The following PDCD2L variants were observed in gnomAD, a reference collection of about 807,000 sequenced individuals.
PDCD2L encodes programmed cell death 2 like, also known as uS5 assembly chaperone PDCD2L.
In PDCD2L, 44 loss-of-function variants were observed where a neutral mutation model predicts 40.4. The ratio of observed to expected loss-of-function variants is 1.09; its 90% CI spans 0.86 to 1.40. The LOEUF is 1.40. Ranked by LOEUF, PDCD2L falls within the 40% of genes most tolerant of loss-of-function variation. The pLI is 0.00. For synonymous variants in PDCD2L, 194 were observed against 174.6 expected (o/e 1.11, Z -0.88); for missense variants, 470 against 453.7 (o/e 1.04, Z -0.33).
At chr19:34,422,577 A>G (rs1418975282) in intron 6 of PDCD2L, among the ~76,000 whole-genome samples, 2 of 152,318 alleles carry the variant, frequency 1.3e-5, no homozygotes, top group East Asian at 1.9e-4. Flanking sequence ...AGATGAATGT[A>G]TGGATGGCTA....
At chr19:34,421,430 A>C (rs932068716) in intron 5 of PDCD2L, 89 bp from the exon 6 acceptor site, 1 of 1,477,408 alleles carries the variant, frequency 6.8e-7, no homozygotes, top group South Asian at 1.3e-5. Flanking sequence ...TTTCTGCAAG[A>C]AACAAAGAAA....
intron 6 of PDCD2L, chr19:34,422,016 G>T (rs1385161339): frequency 1.2e-5 from 2 of 160,610 alleles, no homozygotes; most frequent in Non-Finnish European, 2.7e-5. Context: ...GAACCCAGGA[G>T]GTAGAGGTTG....
At chr19:34,418,325 G>A (rs898303008) in intron 5 of PDCD2L, among the ~76,000 whole-genome samples, 8 of 151,956 alleles carry the variant, frequency 5.3e-5, no homozygotes, top group African/African-American at 1.7e-4. Context: ...CCAGGCAACC[G>A]CCAATCATCT....
intron 6 of PDCD2L, among the ~76,000 whole-genome samples, chr19:34,425,351 A>G (rs1234200738): frequency 6.9e-6 from 1 of 144,664 alleles, no homozygotes; most frequent in Non-Finnish European, 1.5e-5. Context: ...CCCGGGCCAG[A>G]GTACGGTGGT....
At chr19:34,423,224 C>T (rs1247988983) in intron 6 of PDCD2L, among the ~76,000 whole-genome samples, 1 of 151,988 alleles carries the variant, frequency 6.6e-6, no homozygotes, top group Non-Finnish European at 1.5e-5. Context: ...GGAGTTTCAC[C>T]CAGGTTGGAG....
rs577807660 is a variant in PDCD2L at position 34,412,521 on chromosome 19, C to T, written c.687-1216C>T. 4.3e-4 allele frequency among the ~76,000 whole-genome samples: 65 copies of T among 151,934 alleles called. No homozygotes were observed. In the Middle Eastern group the frequency reaches 0.01, roughly 24 times the overall value. ...TCACTTGAGGTCAGGAGTTGGAGACCAGCCTGGCCGACGTGGTGAAACCTT... is the reference window on the plus strand; with the variant it reads ...TCACTTGAGGTCAGGAGTTGGAGACTAGCCTGGCCGACGTGGTGAAACCTT... On this transcript the variant is annotated intron_variant, in intron 4 of 6. Transcript: ENST00000246535.
At chr19:34,407,193 G>A (rs2075080721) in intron 3 of PDCD2L, among the ~76,000 whole-genome samples, 1 of 149,722 alleles carries the variant, frequency 6.7e-6, no homozygotes, top group Non-Finnish European at 1.5e-5. Flanking sequence ...CCAGGCCGGA[G>A]TGCAGTAGCA....
chr19:34,408,893 C>T (rs180671279), intron 3 of PDCD2L, among the ~76,000 whole-genome samples: 50 of 152,268 alleles, frequency 3.3e-4, no homozygotes, highest in Admixed American at 1.2e-3. Context: ...ACATGAAGCA[C>T]AACAGAAAGA....
intron 6 of PDCD2L, among the ~76,000 whole-genome samples, 158 bp downstream of exon 6, chr19:34,421,825 C>T (rs2075152800): frequency 6.6e-6 from 1 of 151,918 alleles, no homozygotes; most frequent in Non-Finnish European, 1.5e-5. Flanking sequence ...TGTGGTGGCT[C>T]ATGCCTGTAA....
intron 5 of PDCD2L, among the ~76,000 whole-genome samples, chr19:34,417,063 G>A (rs2075129499): frequency 6.6e-6 from 1 of 152,046 alleles, no homozygotes; most frequent in Admixed American, 6.6e-5. Context: ...GCAATCAGCC[G>A]AGATCGTGCC....
At chr19:34,405,897 AAAAACAAAAC>A (rs559359171) in intron 3 of PDCD2L, among the ~76,000 whole-genome samples, 1 of 152,134 alleles carries the variant, frequency 6.6e-6, no homozygotes, top group African/African-American at 2.4e-5. Flanking sequence ...CAGACTCCGT[AAAAACAAAAC>A]AAAACAAAAC....
intron 5 of PDCD2L, among the ~76,000 whole-genome samples, 157 bp downstream of exon 5, chr19:34,414,004 T>C (rs1255991378): frequency 1.3e-5 from 2 of 152,118 alleles, no homozygotes; most frequent in Non-Finnish European, 2.9e-5. Flanking sequence ...TAATACCTAC[T>C]TTATAGGATG....
chr19:34,408,600 C>G (rs897237982), intron 3 of PDCD2L, among the ~76,000 whole-genome samples: 3 of 152,146 alleles, frequency 2.0e-5, no homozygotes, highest in South Asian at 4.1e-4. Context: ...CAGAACTGGC[C>G]GTGAAGGAGC....
Position 34,421,575 on chromosome 19 carries a change from A to T in PDCD2L, c.854A>T (p.Glu285Val). The change falls in exon 6 of 7, where the codon GAG (glutamate) becomes GTG (valine). Residue 285 changes from glutamate (E) to valine (V), a missense_variant. Glu to Val is a moderately radical substitution (Grantham distance 121, BLOSUM62 -2). Transcript: ENST00000246535. The part of the protein sequence containing the change: ...FLTCPTSEVT[E>V]LPACSQCGGQ... ...ACCTGCCCTACATCAGAAGTCACCGAGCTCCCAGCCTGCAGCCAGTGTGGA... is the reference window on the plus strand; with the variant it reads ...ACCTGCCCTACATCAGAAGTCACCGTGCTCCCAGCCTGCAGCCAGTGTGGA... 3.7e-6 allele frequency: 6 copies of T among 1,614,090 alleles called. No individual in the cohort carries two copies. Among genetic ancestry groups the T allele is most frequent in the Non-Finnish European group, 5.1e-6 (6 of 1,180,014 alleles).
At chr19:34,422,964 C>T (rs2075159414) in intron 6 of PDCD2L, among the ~76,000 whole-genome samples, 1 of 151,138 alleles carries the variant, frequency 6.6e-6, no homozygotes, top group South Asian at 2.1e-4. Flanking sequence ...GTGATCCGCC[C>T]ACCTCAGCCT....
intron 4 of PDCD2L, among the ~76,000 whole-genome samples, chr19:34,411,983 T>TATAA (rs991877760): frequency 1.4e-5 from 2 of 145,304 alleles, no homozygotes; most frequent in Non-Finnish European, 3.0e-5. Context: ...TATATATATA[T>TATAA]AAAATAAATA....
intron 6 of PDCD2L, among the ~76,000 whole-genome samples, chr19:34,423,444 A>G (rs1200956285): frequency 1.3e-5 from 2 of 151,598 alleles, no homozygotes. Context: ...TCGGCATCCC[A>G]AAGTGCTTGG....
In PDCD2L at chr19:34,409,363, C is replaced by G. The variant is rs754520207; in HGVS notation, c.539C>G (p.Pro180Arg). The G allele has an allele frequency of 5.0e-6, 8 of 1,614,178 alleles. 1 individual carries two copies. The highest frequency in any genetic ancestry group is 1.7e-4 in the Middle Eastern group (1 of 6,050). Reference sequence around the variant, plus strand: ...CTGGGTGCTGCCCATCCTGTGCCTCCTGGGCTGCCGCTCTTCCTGCCCTAC... The same window carrying G: ...CTGGGTGCTGCCCATCCTGTGCCTCGTGGGCTGCCGCTCTTCCTGCCCTAC... ...AVLGAAHPVP[P>R]GLPLFLPYYI... Residue 180 changes from proline (P) to arginine (R), a missense_variant, in exon 4 of 7, where the codon CCT (proline) becomes CGT (arginine). Coordinates refer to ENST00000246535, the MANE Select transcript of PDCD2L (RefSeq NM_032346.2).
chr19:34,411,665 G>T (rs2075104066), intron 4 of PDCD2L, among the ~76,000 whole-genome samples: 1 of 151,706 alleles, frequency 6.6e-6, no homozygotes, highest in South Asian at 2.1e-4. Context: ...AAAATTTTTG[G>T]TTTTTTTGAG....
Sources: gnomAD v4.1 joint callset for allele counts (sites outside exome capture counted in the v4.1 genomes callset) on GRCh38, gnomAD v4.1.1 for gene constraint, MANE v1.5 for transcripts, NCBI Gene and HGNC (gene_info 2026-07-23, HGNC 2026-07-21) for gene names.